Variants in GABBR2 observed in about 807,000 individuals in gnomAD.
GABBR2 encodes the protein G-protein coupled receptor 51.
Under a neutral mutation model 105.6 loss-of-function variants are expected in GABBR2, and 23 were observed. That is an observed-to-expected ratio of 0.22 (90% CI 0.16 to 0.31). The LOEUF (loss-of-function observed/expected upper bound fraction) is 0.31, where lower values mean the gene tolerates loss of function less well. Ranked by LOEUF, GABBR2 falls within the 10% of genes least tolerant of loss-of-function variation. The pLI, the probability that GABBR2 is intolerant of heterozygous loss-of-function variation, is 1.00. For synonymous variants in GABBR2, 478 were observed against 499.7 expected (o/e 0.96, Z 0.58); for missense variants, 734 against 1,245.5 (o/e 0.59, Z 6.18).
At chr9:98,493,668 C>T (rs1487159503) in intron 4 of GABBR2, among the ~76,000 whole-genome samples, 1 of 152,200 alleles carries the variant, frequency 6.6e-6, no homozygotes, top group African/African-American at 2.4e-5. Flanking sequence ...CCTCCTTCTC[C>T]ATCTTATCCC....
At chr9:98,623,063 G>A (rs1179497230) in intron 1 of GABBR2, among the ~76,000 whole-genome samples, 1 of 152,132 alleles carries the variant, frequency 6.6e-6, no homozygotes, top group African/African-American at 2.4e-5. Flanking sequence ...AGAGTATGTG[G>A]GAAATTTCCC....
chr9:98,544,164 C>A (rs2808522), intron 2 of GABBR2, among the ~76,000 whole-genome samples: 59,268 of 151,916 alleles, frequency 0.39, 12,660 homozygotes, highest in East Asian at 0.64. Flanking sequence ...TGGATTTGAT[C>A]CATCCTAGGT....
intron 3 of GABBR2, among the ~76,000 whole-genome samples, chr9:98,516,621 C>A (rs1470290289): frequency 6.6e-6 from 1 of 152,174 alleles, no homozygotes; most frequent in Admixed American, 6.5e-5. Flanking sequence ...TTCCAAAATC[C>A]AAGACAGGCG....
At chr9:98,415,934 C>A (rs1832682455) in intron 7 of GABBR2, among the ~76,000 whole-genome samples, 1 of 152,076 alleles carries the variant, frequency 6.6e-6, no homozygotes, top group African/African-American at 2.4e-5. Context: ...GGAGTAAGTA[C>A]CACGTGACCT....
intron 3 of GABBR2, among the ~76,000 whole-genome samples, chr9:98,508,765 G>C (rs1016373469): frequency 3.6e-5 from 4 of 110,762 alleles, no homozygotes; most frequent in African/African-American, 1.2e-4. Flanking sequence ...TAAACAAAGC[G>C]GCAGGAAACT....
intron 7 of GABBR2, among the ~76,000 whole-genome samples, chr9:98,452,967 C>T (rs1370212213): frequency 6.6e-6 from 1 of 152,196 alleles, no homozygotes; most frequent in African/African-American, 2.4e-5. Flanking sequence ...TCTCCTGGCC[C>T]ACCCCAGCCC....
intron 14 of GABBR2, among the ~76,000 whole-genome samples, chr9:98,308,505 G>T (rs1042597690): frequency 1.1e-4 from 16 of 152,276 alleles, no homozygotes; most frequent in African/African-American, 2.9e-4. Context: ...TTGGAAAAAG[G>T]GTATTTGCAG....
At chr9:98,685,815 C>T (rs1434133350) in intron 1 of GABBR2, among the ~76,000 whole-genome samples, 1 of 152,180 alleles carries the variant, frequency 6.6e-6, no homozygotes, top group Non-Finnish European at 1.5e-5. Context: ...ACGTCAGCCT[C>T]CCAAGTAGCT....
intron 13 of GABBR2, among the ~76,000 whole-genome samples, chr9:98,326,024 G>C (rs1236633252): frequency 6.6e-6 from 1 of 152,162 alleles, no homozygotes. Context: ...AGGATATGCA[G>C]CCTTGTGCGA....
chr9:98,529,727 G>A (rs1016616935), intron 3 of GABBR2, among the ~76,000 whole-genome samples: 1 of 152,160 alleles, frequency 6.6e-6, no homozygotes, highest in African/African-American at 2.4e-5. Flanking sequence ...AATTACTGTA[G>A]TAACCTCCTG....
At chr9:98,590,786 G>A (rs1467255693) in intron 1 of GABBR2, among the ~76,000 whole-genome samples, 1 of 152,254 alleles carries the variant, frequency 6.6e-6, no homozygotes, top group Non-Finnish European at 1.5e-5. Context: ...GCTAGGTAGG[G>A]GAAGATGAGA....
chr9:98,385,183 T>G (rs570273231), intron 11 of GABBR2, among the ~76,000 whole-genome samples: 6 of 152,316 alleles, frequency 3.9e-5, no homozygotes, highest in African/African-American at 1.4e-4. Flanking sequence ...GTGGGCTCTC[T>G]TCTAACAGTG....
At chr9:98,375,702 G>A (rs1392891207) in intron 11 of GABBR2, among the ~76,000 whole-genome samples, 1 of 152,096 alleles carries the variant, frequency 6.6e-6, no homozygotes, top group Admixed American at 6.5e-5. Context: ...CAGGTAGTGA[G>A]CTCCCCATCA....
chr9:98,302,597 C>T (rs1028815906), intron 16 of GABBR2, among the ~76,000 whole-genome samples: 24 of 152,162 alleles, frequency 1.6e-4, no homozygotes, highest in African/African-American at 5.8e-4. Flanking sequence ...CAGAATTCCT[C>T]TATTAAAGCA....
rs71369558 is a variant in GABBR2, at chr9:98,290,269, GTTTTTTTTTTTTT to G, written c.*302_*314del. ...GCCTCTCTCCTTGTCTAGTTTTTTT[GTTTTTTTTTTTTT>G]TTTTTTTTTTTTGCAAGTTTGATAT... is the stretch of plus-strand genomic sequence containing the variant. On this transcript the variant is annotated 3_prime_UTR_variant, in exon 19 of 19. Coordinates refer to ENST00000259455, the MANE Select transcript of GABBR2 (RefSeq NM_005458.8). 1.0e-4 allele frequency: 8 copies of G among 76,882 alleles called. No homozygotes were observed. Among genetic ancestry groups the G allele is most frequent in the East Asian group, 1.0e-3 (3 of 2,904 alleles). 4.8% of individuals were successfully genotyped at this position (76,882 alleles called of 1,614,324 possible). A position where few individuals can be genotyped will look rare whatever the true frequency, so the allele number is the denominator to read the frequency against.
chr9:98,457,441 G>A (rs1470418694), intron 6 of GABBR2, among the ~76,000 whole-genome samples: 1 of 152,158 alleles, frequency 6.6e-6, no homozygotes, highest in Non-Finnish European at 1.5e-5. Flanking sequence ...GTTTTGTTTT[G>A]TGGGACACTA....
chr9:98,587,462 G>GA (rs1413547594), intron 1 of GABBR2, among the ~76,000 whole-genome samples: 3 of 152,054 alleles, frequency 2.0e-5, no homozygotes, highest in Admixed American at 1.3e-4. Context: ...GCCCAGGGGA[G>GA]AAAAAACCTA....
chr9:98,327,921 C>T (rs969047870), intron 13 of GABBR2, among the ~76,000 whole-genome samples: 1 of 151,032 alleles, frequency 6.6e-6, no homozygotes, highest in African/African-American at 2.4e-5. Flanking sequence ...AGCCTTTAAC[C>T]TGCTAAAAGT....
intron 1 of GABBR2, among the ~76,000 whole-genome samples, chr9:98,584,850 C>T (rs1200006508): frequency 1.3e-5 from 2 of 152,196 alleles, no homozygotes; most frequent in African/African-American, 4.8e-5. Flanking sequence ...CAGGAGCACT[C>T]AGTATCTGCT....
Sources: allele counts gnomAD v4.1 joint callset (sites outside exome capture counted in the v4.1 genomes callset), GRCh38; gene constraint gnomAD v4.1.1; transcripts MANE v1.5; gene names NCBI Gene and HGNC (gene_info 2026-07-23, HGNC 2026-07-21).